ARB2A: variants seen among roughly 807,000 people sequenced by gnomAD.
ARB2A encodes the protein cotranscriptional regulator ARB2A.
the ARB2A span, among the ~76,000 whole-genome samples, chr5:93,624,049 G>A: frequency 6.6e-6 from 1 of 152,126 alleles, no homozygotes. Flanking sequence ...AATGTTCAGT[G>A]AATGGAAACT....
At chr5:93,840,068 G>A in the ARB2A span, among the ~76,000 whole-genome samples, 2 of 151,974 alleles carry the variant, frequency 1.3e-5, no homozygotes, top group African/African-American at 4.8e-5. Flanking sequence ...AGGTAGATTT[G>A]CTCCTGCTTC....
the ARB2A span, among the ~76,000 whole-genome samples, chr5:93,772,178 T>C: frequency 2.0e-5 from 3 of 152,168 alleles, no homozygotes; most frequent in East Asian, 1.9e-4. Flanking sequence ...AAATTGGAAA[T>C]CATCATTCTC....
chr5:93,783,854 G>A, the ARB2A span, among the ~76,000 whole-genome samples: 2 of 152,142 alleles, frequency 1.3e-5, no homozygotes, highest in Non-Finnish European at 2.9e-5. Context: ...GCCTGAGGCT[G>A]AACCATGGCT....
the ARB2A span, among the ~76,000 whole-genome samples, chr5:94,025,464 A>G: frequency 2.6e-5 from 4 of 152,224 alleles, no homozygotes; most frequent in African/African-American, 9.7e-5. Context: ...TTTAGCTCCT[A>G]AAAGCTCTAC....
chr5:93,913,626 C>A, the ARB2A span, among the ~76,000 whole-genome samples: 1 of 151,920 alleles, frequency 6.6e-6, no homozygotes, highest in Non-Finnish European at 1.5e-5. Flanking sequence ...CTAACCATAT[C>A]CTAAGTTCAG....
chr5:93,634,935 C>T, the ARB2A span, among the ~76,000 whole-genome samples: 2 of 151,982 alleles, frequency 1.3e-5, no homozygotes, highest in African/African-American at 4.8e-5. Context: ...CCACCACGCC[C>T]GGCTAATTTT....
chr5:93,718,023 C>T, the ARB2A span, among the ~76,000 whole-genome samples: 1 of 151,606 alleles, frequency 6.6e-6, no homozygotes, highest in Non-Finnish European at 1.5e-5. Flanking sequence ...TTAGTAGAGA[C>T]GGGGTTTCAC....
chr5:93,953,151 G>T, the ARB2A span, among the ~76,000 whole-genome samples: 1 of 152,040 alleles, frequency 6.6e-6, no homozygotes. Flanking sequence ...TTGGTCTCTG[G>T]TGCATTGTTT....
chr5:93,713,466 C>T, the ARB2A span, among the ~76,000 whole-genome samples: 1 of 152,102 alleles, frequency 6.6e-6, no homozygotes, highest in Non-Finnish European at 1.5e-5. Context: ...AGTTCAATAT[C>T]ACTAATCATC....
the ARB2A span, among the ~76,000 whole-genome samples, chr5:93,915,922 A>G: frequency 6.6e-6 from 1 of 152,148 alleles, no homozygotes; most frequent in African/African-American, 2.4e-5. Flanking sequence ...CCATGGCTGG[A>G]TTATATTTTC....
the ARB2A span, among the ~76,000 whole-genome samples, chr5:93,840,407 A>G: frequency 6.6e-6 from 1 of 152,196 alleles, no homozygotes; most frequent in African/African-American, 2.4e-5. Context: ...CAGATATTTC[A>G]CATTTACCAT....
At chr5:93,760,979 A>G in the ARB2A span, among the ~76,000 whole-genome samples, 1 of 152,244 alleles carries the variant, frequency 6.6e-6, no homozygotes, top group Non-Finnish European at 1.5e-5. Context: ...ACAGAGTGGG[A>G]TAAAATCTTC....
the ARB2A span, chr5:93,958,881 G>T: frequency 6.2e-7 from 1 of 1,608,766 alleles, no homozygotes; most frequent in Non-Finnish European, 8.5e-7. Flanking sequence ...CCACTACCAT[G>T]AATTAAAACC....
At chr5:93,879,298 A>G in the ARB2A span, among the ~76,000 whole-genome samples, 22 of 152,028 alleles carry the variant, frequency 1.4e-4, no homozygotes, top group Admixed American at 2.0e-4. Flanking sequence ...CATCTCTGCT[A>G]TTTTGCAAAA....
the ARB2A span, chr5:93,784,193 T>C: frequency 2.0e-6 from 1 of 505,156 alleles, no homozygotes; most frequent in Admixed American, 3.5e-5. Flanking sequence ...GAGGGGAGCT[T>C]TCAAAAATAT....
chr5:93,811,880 T>C, the ARB2A span, among the ~76,000 whole-genome samples: 2 of 152,124 alleles, frequency 1.3e-5, no homozygotes, highest in African/African-American at 4.8e-5. Context: ...TTTAAAAGTT[T>C]ATCCTTAAAG....
chr5:93,916,825 C>T, the ARB2A span, among the ~76,000 whole-genome samples: 1 of 152,136 alleles, frequency 6.6e-6, no homozygotes, highest in Non-Finnish European at 1.5e-5. Context: ...AAAGCCTTCA[C>T]TTTTCGAAAT....
At chr5:93,626,473 A>G in the ARB2A span, among the ~76,000 whole-genome samples, 1 of 152,222 alleles carries the variant, frequency 6.6e-6, no homozygotes, top group African/African-American at 2.4e-5. Context: ...TCCTAGACCA[A>G]AAGGTCATGG....
the ARB2A span, among the ~76,000 whole-genome samples, chr5:94,035,284 A>G: frequency 2.3e-5 from 3 of 130,534 alleles, no homozygotes; most frequent in African/African-American, 9.2e-5. Flanking sequence ...GCTACTAGGG[A>G]GTCAGTACTT....
Sources: allele counts gnomAD v4.1 joint callset (sites outside exome capture counted in the v4.1 genomes callset), GRCh38; gene constraint gnomAD v4.1.1; transcripts MANE v1.5; gene names NCBI Gene and HGNC (gene_info 2026-07-23, HGNC 2026-07-21).